The following TMPRSS15 variants were observed in gnomAD, a reference collection of about 807,000 sequenced individuals.
TMPRSS15 encodes the protein enteropeptidase.
Under a neutral mutation model 125.3 loss-of-function variants are expected in TMPRSS15, and 128 were observed. That is an observed-to-expected ratio of 1.02 (90% CI 0.89 to 1.18). The LOEUF is 1.18. Among genes scored for constraint, TMPRSS15 ranks in the 50% most tolerant of loss-of-function variants. The pLI is 0.00. For missense variants in TMPRSS15, 1,283 were observed against 1,212.7 expected (o/e 1.06, Z -0.86); for synonymous variants, 446 against 423.2 (o/e 1.05, Z -0.66).
At chr21:18,298,531 T>G (rs1263905001) in intron 18 of TMPRSS15, among the ~76,000 whole-genome samples, 1 of 152,202 alleles carries the variant, frequency 6.6e-6, no homozygotes, top group Non-Finnish European at 1.5e-5. Context: ...AAACCTATAA[T>G]TCCCATGCTC....
intron 13 of TMPRSS15, among the ~76,000 whole-genome samples, chr21:18,339,263 TC>T (rs905295235): frequency 3.9e-5 from 6 of 152,104 alleles, no homozygotes; most frequent in African/African-American, 1.2e-4. Context: ...AGCAAACCGA[TC>T]TTTTGGAGGA....
chr21:18,365,017 G>A, intron 7 of TMPRSS15, 123 bp downstream of exon 7: 2 of 777,254 alleles, frequency 2.6e-6, no homozygotes, highest in East Asian at 5.2e-5. Context: ...TTTCAGTTGG[G>A]AGGTTTTTGC....
At chr21:18,406,075 A>G (rs2076150942), upstream of TMPRSS15, among the ~76,000 whole-genome samples, 1 of 152,162 alleles carries the variant, frequency 6.6e-6, no homozygotes, top group South Asian at 2.1e-4. Flanking sequence ...CATTTATTTT[A>G]AAGGCAGTCC....
chr21:18,269,995 C>G lies in TMPRSS15; in HGVS notation c.3034G>C (p.Glu1012Gln), dbSNP rs146494364. 1.9e-6 allele frequency: 3 copies of G among 1,613,804 alleles called. No individual in the cohort carries two copies. The highest frequency in any genetic ancestry group is 2.5e-6 in the Non-Finnish European group (3 of 1,179,810). Residue 1012 changes from glutamate to glutamine, a missense_variant, in exon 25 of 25, where the codon GAA becomes CAA. Coordinates refer to ENST00000284885, the MANE Select transcript of TMPRSS15 (RefSeq NM_002772.3). ...GVYARVSRFT[E>Q]WIQSFLH is the part of the protein sequence containing the mutation. The stretch of plus-strand genomic sequence containing the variant: ...TAATGTAGAAAACTTTGTATCCATT[C>G]GGTAAACCTTGAGACCCTGGCATAC...
chr21:18,354,880 CAGTG>C (rs2075609159), intron 8 of TMPRSS15, among the ~76,000 whole-genome samples: 1 of 151,736 alleles, frequency 6.6e-6, no homozygotes, highest in East Asian at 1.9e-4. Context: ...TGTGAAATAA[CAGTG>C]AGTTATTTAA....
chr21:18,355,852 C>A (rs776617175), intron 8 of TMPRSS15, among the ~76,000 whole-genome samples: 12 of 151,936 alleles, frequency 7.9e-5, no homozygotes, highest in Middle Eastern at 3.4e-3. Flanking sequence ...TTCTGTGCCT[C>A]TGTCATTGTA....
intron 7 of TMPRSS15, among the ~76,000 whole-genome samples, chr21:18,360,994 T>C (rs2824770): frequency 0.55 from 83,693 of 151,884 alleles, 23,418 homozygotes; most frequent in East Asian, 0.86. Context: ...ACAGAATTTA[T>C]ATGACTCAAG....
chr21:18,392,512 G>A (rs1301571519), intron 3 of TMPRSS15, among the ~76,000 whole-genome samples: 1 of 152,058 alleles, frequency 6.6e-6, no homozygotes, highest in Admixed American at 6.5e-5. Flanking sequence ...TTAGCATTTT[G>A]GTCAAATCCA....
At chr21:18,369,430 G>A (rs1486890998) in intron 6 of TMPRSS15, among the ~76,000 whole-genome samples, 5 of 152,106 alleles carry the variant, frequency 3.3e-5, no homozygotes, top group African/African-American at 1.2e-4. Flanking sequence ...CTTTTCATAG[G>A]TCAGCTAAAA....
intron 2 of TMPRSS15, 52 bp downstream of exon 2, chr21:18,398,147 G>T: frequency 6.2e-7 from 1 of 1,602,738 alleles, no homozygotes; most frequent in South Asian, 1.1e-5. Flanking sequence ...GGTGTTTTCA[G>T]CAAGTAGTTA....
intron 4 of TMPRSS15, among the ~76,000 whole-genome samples, chr21:18,380,843 C>T (rs188082338): frequency 2.5e-4 from 38 of 152,116 alleles, no homozygotes; most frequent in African/African-American, 7.7e-4. Context: ...GAAAGATATC[C>T]GTTTATTAAT....
rs954911028 is a variant in TMPRSS15 at position 18,282,097 on chromosome 21, C to CAAAA, written c.2487-880_2487-877dup. On this transcript the variant is annotated intron_variant, in intron 21 of 24. Transcript: ENST00000284885. ...TGGGAGACAAAGCAAGACTCCGCCT[C>CAAAA]AAAAAAAAAAAAAAAAAAAAAAAAA... Among the ~76,000 whole-genome samples, 6 of 24,950 alleles carry CAAAA rather than the reference C, an allele frequency of 2.4e-4. 1 individual carries two copies. The highest frequency in any genetic ancestry group is 1.1e-3 in the Admixed American group (2 of 1,812). The allele number at this position is 24,950 out of a possible 152,430, so 16.4% of individuals were successfully genotyped here. A position where few individuals can be genotyped will look rare whatever the true frequency, so the allele number is the denominator to read the frequency against.
intron 16 of TMPRSS15, among the ~76,000 whole-genome samples, chr21:18,317,369 C>A (rs907664178): frequency 2.7e-5 from 4 of 149,416 alleles, no homozygotes; most frequent in Non-Finnish European, 5.9e-5. Flanking sequence ...CATCTATTTT[C>A]AGCTTTTTAA....
upstream of TMPRSS15, among the ~76,000 whole-genome samples, chr21:18,408,196 A>T (rs1204050594): frequency 6.6e-6 from 1 of 152,216 alleles, no homozygotes; most frequent in Non-Finnish European, 1.5e-5. Flanking sequence ...TCATTTGTTC[A>T]CAAATAAGTG....
chr21:18,468,141 T>C (rs1280128024), intron 1 of TMPRSS15, among the ~76,000 whole-genome samples: 1 of 152,146 alleles, frequency 6.6e-6, no homozygotes, highest in East Asian at 1.9e-4. Flanking sequence ...GGTCTTATGT[T>C]TGTTTTTAGA....
chr21:18,413,872 C>T (rs868181974), intron 1 of TMPRSS15, among the ~76,000 whole-genome samples: 7 of 152,074 alleles, frequency 4.6e-5, no homozygotes, highest in South Asian at 2.1e-4. Flanking sequence ...GGACCACAGG[C>T]GCATGCCACC....
intron 16 of TMPRSS15, among the ~76,000 whole-genome samples, chr21:18,316,085 A>G (rs2075164163): frequency 6.6e-6 from 1 of 152,118 alleles, no homozygotes; most frequent in Non-Finnish European, 1.5e-5. Flanking sequence ...AGGTGGAGCC[A>G]GTTTTGATAC....
intron 17 of TMPRSS15, among the ~76,000 whole-genome samples, chr21:18,314,857 T>C (rs968268647): frequency 2.6e-5 from 4 of 152,102 alleles, no homozygotes; most frequent in Non-Finnish European, 5.9e-5. Flanking sequence ...TGGTTTGGAA[T>C]ATTGTCTCTG....
At chr21:18,396,455 G>A (rs1325166406) in intron 3 of TMPRSS15, among the ~76,000 whole-genome samples, 1 of 152,108 alleles carries the variant, frequency 6.6e-6, no homozygotes, top group Admixed American at 6.6e-5. Flanking sequence ...CTCCCTCACA[G>A]TCATTTGGTG....
Sources: gnomAD v4.1 joint callset for allele counts (sites outside exome capture counted in the v4.1 genomes callset) on GRCh38, gnomAD v4.1.1 for gene constraint, MANE v1.5 for transcripts, NCBI Gene and HGNC (gene_info 2026-07-23, HGNC 2026-07-21) for gene names.